Variants in RBAK observed in about 807,000 individuals in gnomAD.
The protein encoded by RBAK is RB associated KRAB zinc finger.
RBAK carries 39 observed loss-of-function variants against 65.8 expected under a neutral mutation model. The observed-to-expected ratio is 0.59, with a 90% confidence interval of 0.46 to 0.77. The LOEUF (loss-of-function observed/expected upper bound fraction) is 0.77. Ranked by LOEUF, RBAK falls within the 30% of genes least tolerant of loss-of-function variation. The pLI, the probability that RBAK is intolerant of heterozygous loss-of-function variation, is 0.00. For missense variants in RBAK, 884 were observed against 855.1 expected, an observed-to-expected ratio of 1.03 and a Z score of -0.42; for synonymous variants, 343 against 289.7, an observed-to-expected ratio of 1.18 and a Z score of -1.87.
In RBAK at chr7:5,069,249, A is replaced by G. The variant is rs1208940705; in HGVS notation, c.*3648A>G. ...GAATATGCTGCACAACAGGAATTAA[A>G]TGGCAGATTTTGCATAATTCTGTGC... is the stretch of plus-strand genomic sequence containing the variant. On this transcript the variant is annotated 3_prime_UTR_variant, in exon 5 of 5. Coordinates refer to ENST00000396912, the MANE Select transcript of RBAK (RefSeq NM_021163.4). The G allele has an allele frequency of 6.6e-6, 1 of 152,236 alleles. No individual in the cohort carries two copies. The highest frequency in any genetic ancestry group is 1.5e-5 in the Non-Finnish European group (1 of 68,050). 9.4% of individuals were successfully genotyped at this position (152,236 alleles called of 1,614,324 possible).
intron 2 of RBAK, among the ~76,000 whole-genome samples, chr7:5,056,472 C>T (rs537215599): frequency 6.6e-6 from 1 of 150,732 alleles, no homozygotes; most frequent in Non-Finnish European, 1.5e-5. Flanking sequence ...CTTTGTACAC[C>T]TCATCATATT....
intron 2 of RBAK, among the ~76,000 whole-genome samples, chr7:5,052,652 TG>T (rs1788141635): frequency 1.3e-5 from 2 of 152,258 alleles, no homozygotes; most frequent in African/African-American, 4.8e-5. Context: ...TCTCTCCTCT[TG>T]GTCTTTACAC....
In RBAK at chr7:5,068,800, T is replaced by G. The variant is rs1409768486; in HGVS notation, c.*3199T>G. ...TAAGGCACATGTGCAATGGAATGAA[T>G]AAAGAAGTGGCATATGTCCATGGAA... On this transcript the variant is annotated 3_prime_UTR_variant, in exon 5 of 5. Transcript: ENST00000396912. The G allele has an allele frequency of 6.6e-6, 1 of 152,182 alleles. No individual in the cohort carries two copies. Among genetic ancestry groups the G allele is most frequent in the Non-Finnish European group, 1.5e-5 (1 of 68,040 alleles). 9.4% of individuals were successfully genotyped at this position (152,182 alleles called of 1,614,324 possible). A position where few individuals can be genotyped will look rare whatever the true frequency, so the allele number is the denominator to read the frequency against.
intron 4 of RBAK, among the ~76,000 whole-genome samples, chr7:5,060,125 G>T (rs1779034336): frequency 6.6e-6 from 1 of 152,168 alleles, no homozygotes; most frequent in Admixed American, 6.5e-5. Context: ...TGTTGCTTGA[G>T]CTTCTTCTAC....
intron 2 of RBAK, among the ~76,000 whole-genome samples, chr7:5,053,789 G>C (rs1459063759): frequency 6.6e-6 from 1 of 152,168 alleles, no homozygotes; most frequent in Non-Finnish European, 1.5e-5. Context: ...ATCTGTAGAA[G>C]GTTAGCGTGG....
chr7:5,050,991 C>T (rs1477236583), intron 2 of RBAK, among the ~76,000 whole-genome samples: 1 of 152,038 alleles, frequency 6.6e-6, no homozygotes, highest in Non-Finnish European at 1.5e-5. Flanking sequence ...GTTTTGTTAC[C>T]ATTATGAGCT....
chr7:5,059,255 T>C (rs1171066272), intron 4 of RBAK, among the ~76,000 whole-genome samples: 1 of 152,188 alleles, frequency 6.6e-6, no homozygotes, highest in Admixed American at 6.5e-5. Context: ...CATCTGCATT[T>C]TACTTGCCCA....
rs1230405898 is a variant in RBAK at position 5,065,788 on chromosome 7, A to T, written c.*187A>T. 2.3e-6 allele frequency: 1 copy of T among 432,250 alleles called. No individual in the cohort carries two copies. Among genetic ancestry groups the T allele is most frequent in the Non-Finnish European group, 4.0e-6 (1 of 247,608 alleles). 26.8% of individuals were successfully genotyped at this position (432,250 alleles called of 1,614,324 possible). A position where few individuals can be genotyped will look rare whatever the true frequency, so the allele number is the denominator to read the frequency against. ...GAATGTAACAAGAAGCAAAGCCTTC[A>T]GCAAGATCATACGACTCATCGGACA... On this transcript the variant is annotated 3_prime_UTR_variant, in exon 5 of 5. Coordinates refer to ENST00000396912, the MANE Select transcript of RBAK (RefSeq NM_021163.4). This position sits in a 1 kb window ranked among gnomAD's most constrained non-coding sequence, Gnocchi z 5.3.
chr7:5,053,612 T>C (rs927140440), intron 2 of RBAK, among the ~76,000 whole-genome samples: 1 of 152,210 alleles, frequency 6.6e-6, no homozygotes, highest in Admixed American at 6.5e-5. Context: ...TTAGGCCACT[T>C]GAAATTTTCC....
In RBAK at chr7:5,068,499, A is replaced by C. The variant is rs1365630614; in HGVS notation, c.*2898A>C. ...GTTAGCTTTATTAGTAATCAGGGAA[A>C]TGCAAACTTAAAACATGTAGCACTG... is the stretch of plus-strand genomic sequence containing the variant. On this transcript the variant is annotated 3_prime_UTR_variant, in exon 5 of 5. Coordinates refer to ENST00000396912, the MANE Select transcript of RBAK (RefSeq NM_021163.4). 6.6e-6 allele frequency: 1 copy of C among 152,250 alleles called. No individual in the cohort carries two copies. The highest frequency in any genetic ancestry group is 1.5e-5 in the Non-Finnish European group (1 of 68,042). The allele number at this position is 152,250 out of a possible 1,614,324, so 9.4% of individuals were successfully genotyped here.
intron 2 of RBAK, among the ~76,000 whole-genome samples, chr7:5,055,279 T>C (rs141718027): frequency 0.046 from 6,664 of 144,756 alleles, 433 homozygotes; most frequent in African/African-American, 0.15. Flanking sequence ...TGTGTGTGTG[T>C]GCGTGCGTGT....
At chr7:5,050,182 C>T (rs944842781) in intron 2 of RBAK, among the ~76,000 whole-genome samples, 1 of 152,226 alleles carries the variant, frequency 6.6e-6, no homozygotes, top group African/African-American at 2.4e-5. Context: ...CCATAATACT[C>T]TCTTAATACA....
In RBAK at chr7:5,069,339, C is replaced by G. The variant is rs1053536803; in HGVS notation, c.*3738C>G. 2 of 152,092 alleles carry G rather than the reference C, an allele frequency of 1.3e-5. No individual in the cohort carries two copies. Among genetic ancestry groups the G allele is most frequent in the African/African-American group, 4.8e-5 (2 of 41,396 alleles). 9.4% of individuals were successfully genotyped at this position (152,092 alleles called of 1,614,324 possible). A position where few individuals can be genotyped will look rare whatever the true frequency, so the allele number is the denominator to read the frequency against. On this transcript the variant is annotated 3_prime_UTR_variant, in exon 5 of 5. Transcript: ENST00000396912. ...AAGATTTCCTACGCTGTCCTTAAAG[C>G]TTAGCATAATGTATATTTTAAGTGA...
intron 2 of RBAK, among the ~76,000 whole-genome samples, chr7:5,049,033 G>A (rs1050935783): frequency 6.6e-6 from 1 of 151,774 alleles, no homozygotes; most frequent in African/African-American, 2.4e-5. Flanking sequence ...GCGACACAAA[G>A]CGAAACCATA....
chr7:5,048,464 G>A lies in RBAK; in HGVS notation c.15+373G>A, dbSNP rs551818662. Among the ~76,000 whole-genome samples, 17 of 152,316 alleles carry A rather than the reference G, an allele frequency of 1.1e-4. No individual in the cohort carries two copies. In the East Asian group the frequency reaches 1.2e-3, roughly 10 times the overall value. ...GCTGGGATTACAGGCATGAGCCACC[G>A]CGCCCAGCCAGGATTCATACTTTAA... is the stretch of plus-strand genomic sequence containing the variant. On this transcript the variant is annotated intron_variant, in intron 2 of 4. Coordinates refer to ENST00000396912, the MANE Select transcript of RBAK (RefSeq NM_021163.4). This position sits in a 1 kb window ranked among gnomAD's most constrained non-coding sequence, Gnocchi z 4.4.
Position 5,065,487 on chromosome 7 carries a change from A to G in RBAK, c.2031A>G (p.Lys677=), listed in dbSNP as rs1562541826. The part of the protein sequence containing the change: ...TVHYRTHSGE[K]PYECNECGKK... ...ACTATAGAACTCATTCAGGAGAGAA[A>G]CCCTATGAATGTAACGAGTGTGGGA... Residue 677 remains lysine, a synonymous_variant, in exon 5 of 5, where the codon AAA becomes AAG. Transcript: ENST00000396912. The surrounding 1 kb of genome is among the most constrained non-coding windows in gnomAD (Gnocchi z 5.3). 3 of 1,606,772 alleles carry G rather than the reference A, an allele frequency of 1.9e-6. No homozygotes were observed. The highest frequency in any genetic ancestry group is 2.2e-5 in the East Asian group (1 of 44,822).
At chr7:5,049,493 G>A (rs1237567617) in intron 2 of RBAK, among the ~76,000 whole-genome samples, 8 of 152,002 alleles carry the variant, frequency 5.3e-5, no homozygotes, top group Non-Finnish European at 1.0e-4. Flanking sequence ...TCCTTTTCAC[G>A]TTGCTGAGTC....
At position 5,045,919 on chromosome 7, in the gene RBAK, C is replaced by A; in HGVS notation, c.-522C>A. ...GCTTGCTCTAGTTCCCAGGCTTTGG[C>A]CTCCAGTGGACGAGAATCGCGGAGC... On this transcript the variant is annotated 5_prime_UTR_variant, in exon 1 of 5. Coordinates refer to ENST00000396912, the MANE Select transcript of RBAK (RefSeq NM_021163.4). 5.7e-6 allele frequency: 2 copies of A among 348,892 alleles called. No homozygotes were observed. The highest frequency in any genetic ancestry group is 5.5e-6 in the Non-Finnish European group (1 of 182,620). 21.6% of individuals were successfully genotyped at this position (348,892 alleles called of 1,614,324 possible). A position where few individuals can be genotyped will look rare whatever the true frequency, so the allele number is the denominator to read the frequency against.
At chr7:5,063,419 G>A (rs1392474584) in intron 4 of RBAK, among the ~76,000 whole-genome samples, 11 of 151,094 alleles carry the variant, frequency 7.3e-5, no homozygotes, top group Non-Finnish European at 7.4e-5. Flanking sequence ...AAAGTTACCT[G>A]TATTCAATAT....
Sources: gnomAD v4.1 joint callset for allele counts (sites outside exome capture counted in the v4.1 genomes callset) on GRCh38, gnomAD v4.1.1 for gene constraint, Gnocchi (gnomAD v3.1) non-coding constraint, MANE v1.5 for transcripts, NCBI Gene and HGNC (gene_info 2026-07-23, HGNC 2026-07-21) for gene names.